The following ACTA2 variants were observed in gnomAD, a reference collection of about 807,000 sequenced individuals.
ACTA2 encodes the protein actin, aortic smooth muscle.
Under a neutral mutation model 39.5 loss-of-function variants are expected in ACTA2, and 12 were observed. That is an observed-to-expected ratio of 0.30 (90% CI 0.19 to 0.49). The LOEUF is 0.49. Ranked by LOEUF, ACTA2 falls within the 20% of genes least tolerant of loss-of-function variation. The probability of loss-of-function intolerance (pLI) is 0.99; values close to 1 mark genes in which losing one functional copy is unlikely to be tolerated. For missense variants in ACTA2, 236 were observed against 498.8 expected (o/e 0.47, Z 5.02); for synonymous variants, 158 against 180.6 (o/e 0.88, Z 1.00).
chr10:88,935,700 TCTG>T (rs1190041642), intron 8 of ACTA2: 2 of 339,172 alleles, frequency 5.9e-6, no homozygotes, highest in Non-Finnish European at 1.2e-5. Flanking sequence ...TTCCATGAAC[TCTG>T]CCTCAGAATT....
chr10:88,989,208 G>GAAGATCCA (rs1847021858), intron 1 of ACTA2, among the ~76,000 whole-genome samples: 2 of 152,114 alleles, frequency 1.3e-5, no homozygotes, highest in Non-Finnish European at 2.9e-5. Flanking sequence ...TGAGTTGCTG[G>GAAGATCCA]CTTATAATTC....
chr10:88,967,983 T>C (rs1846350295), intron 1 of ACTA2, among the ~76,000 whole-genome samples: 2 of 152,156 alleles, frequency 1.3e-5, no homozygotes, highest in Admixed American at 1.3e-4. Context: ...CAAACAACTA[T>C]AGTAACCAGA....
chr10:88,991,129 T>G, exon 1 of ACTA2: 1 of 623,370 alleles, frequency 1.6e-6, no homozygotes, highest in Non-Finnish European at 2.8e-6. Context: ...TTGCTTTTCT[T>G]GGGCCTTGAT....
At chr10:88,938,349 G>A in intron 7 of ACTA2, 107 bp from the exon 8 acceptor site, 4 of 1,259,078 alleles carry the variant, frequency 3.2e-6, no homozygotes, top group Non-Finnish European at 4.7e-6. Flanking sequence ...GACTGAGGCT[G>A]GGAAGACATA....
At chr10:88,955,141 C>T (rs1318772397), upstream of ACTA2, among the ~76,000 whole-genome samples, 1 of 152,052 alleles carries the variant, frequency 6.6e-6, no homozygotes, top group African/African-American at 2.4e-5. Flanking sequence ...CAATCATTTC[C>T]AGACACGTTG....
intron 1 of ACTA2, among the ~76,000 whole-genome samples, chr10:88,988,049 G>A (rs1306087634): frequency 6.6e-6 from 1 of 152,120 alleles, no homozygotes; most frequent in Non-Finnish European, 1.5e-5. Flanking sequence ...CCAGCCTGTT[G>A]GCCAATGCTA....
At chr10:88,938,444 T>G in intron 7 of ACTA2, 1 of 606,294 alleles carries the variant, frequency 1.6e-6, no homozygotes, top group Non-Finnish European at 3.0e-6. Context: ...GAGGAAGGCC[T>G]GCTGCAGCAT....
chr10:88,988,642 T>G (rs1846993451), intron 1 of ACTA2, among the ~76,000 whole-genome samples: 1 of 152,068 alleles, frequency 6.6e-6, no homozygotes, highest in South Asian at 2.1e-4. Context: ...TCTTTGCCCT[T>G]GAAGGCCTGA....
At chr10:88,942,705 G>C (rs1043077594) in intron 4 of ACTA2, among the ~76,000 whole-genome samples, 3 of 151,890 alleles carry the variant, frequency 2.0e-5, no homozygotes, top group African/African-American at 7.3e-5. Context: ...TAACCAGAAT[G>C]TCTGACATCA....
rs749867078 is a variant in ACTA2, at chr10:88,935,248, G to C, written c.1109C>G (p.Ser370Cys). 6 of 1,613,604 alleles carry C rather than the reference G, an allele frequency of 3.7e-6. No homozygotes were observed. Among genetic ancestry groups the C allele is most frequent in the Non-Finnish European group, 5.1e-6 (6 of 1,179,864 alleles). ...SKQEYDEAGP[S>C]IVHRKCF Reference sequence around the variant, plus strand: ...TTAGAAGCATTTGCGGTGGACAATGGAAGGCCCGGCTTCATCGTATTCCTG... The same window carrying C: ...TTAGAAGCATTTGCGGTGGACAATGCAAGGCCCGGCTTCATCGTATTCCTG... The change falls in exon 9 of 9, where the codon TCC (serine) becomes TGC (cysteine). Residue 370 changes from serine (S) to cysteine (C), a missense_variant. Physicochemically the swap from Ser to Cys is moderately radical, Grantham distance 112. Transcript: ENST00000224784.
intron 2 of ACTA2, among the ~76,000 whole-genome samples, chr10:88,947,999 TA>T (rs777369827): frequency 4.6e-5 from 7 of 152,172 alleles, no homozygotes; most frequent in Non-Finnish European, 8.8e-5. Context: ...GTGAAGTTCT[TA>T]AAAAATTATT....
chr10:88,986,645 GTACAGAAAGGAAGTAA>G (rs1846894513), intron 1 of ACTA2, among the ~76,000 whole-genome samples: 1 of 151,488 alleles, frequency 6.6e-6, no homozygotes, highest in African/African-American at 2.4e-5. Context: ...AAAGGAAGTA[GTACAGAAAGGAAGTAA>G]TACAGGAAGG....
chr10:88,975,522 G>C (rs1432051494), intron 1 of ACTA2, among the ~76,000 whole-genome samples: 3 of 152,144 alleles, frequency 2.0e-5, no homozygotes, highest in African/African-American at 7.2e-5. Flanking sequence ...AGTAGAGATG[G>C]TACAGGAAGG....
intron 3 of ACTA2, among the ~76,000 whole-genome samples, chr10:88,945,992 C>T (rs1233171058): frequency 1.3e-5 from 2 of 152,178 alleles, no homozygotes; most frequent in African/African-American, 2.4e-5. Flanking sequence ...ACAGAGTTGA[C>T]GTGAGCAACA....
intron 1 of ACTA2, among the ~76,000 whole-genome samples, chr10:88,969,382 T>C (rs1846382366): frequency 6.6e-6 from 1 of 152,230 alleles, no homozygotes; most frequent in Non-Finnish European, 1.5e-5. Flanking sequence ...AACTCATGCT[T>C]GTAAGGCTGA....
intron 1 of ACTA2, among the ~76,000 whole-genome samples, chr10:88,971,922 T>G (rs910303826): frequency 6.6e-6 from 1 of 152,008 alleles, no homozygotes; most frequent in South Asian, 2.1e-4. Flanking sequence ...CTTTTTTTTT[T>G]TTTTTTAGAT....
chr10:88,961,527 G>C (rs1846225907), intron 1 of ACTA2, among the ~76,000 whole-genome samples: 1 of 152,160 alleles, frequency 6.6e-6, no homozygotes. Context: ...AGAAGAGTGT[G>C]ATGCTTTTCT....
chr10:88,985,238 G>A (rs1846841049), intron 1 of ACTA2, among the ~76,000 whole-genome samples: 2 of 152,200 alleles, frequency 1.3e-5, no homozygotes, highest in African/African-American at 4.8e-5. Context: ...CTCACATCTA[G>A]TGAAGTAACT....
intron 6 of ACTA2, 73 bp downstream of exon 6, chr10:88,941,156 T>G: frequency 6.3e-7 from 1 of 1,582,162 alleles, no homozygotes; most frequent in South Asian, 1.1e-5. Context: ...TCTCCTTGGA[T>G]AGTGAGGATG....
Sources: allele counts gnomAD v4.1 joint callset (sites outside exome capture counted in the v4.1 genomes callset), GRCh38; gene constraint gnomAD v4.1.1; transcripts MANE v1.5; gene names NCBI Gene and HGNC (gene_info 2026-07-23, HGNC 2026-07-21).